The following GNB5 variants were observed in gnomAD, a reference collection of about 807,000 sequenced individuals.
The protein encoded by GNB5 is guanine nucleotide-binding protein subunit beta-5.
A neutral mutation model predicts 55.3 loss-of-function variants in GNB5; 37 were observed. The ratio of observed to expected loss-of-function variants is 0.67; its 90% CI spans 0.51 to 0.88. GNB5 has a LOEUF of 0.88. Ranked by LOEUF, GNB5 falls within the 40% of genes least tolerant of loss-of-function variation. The probability of loss-of-function intolerance (pLI) is 0.00; values close to 1 mark genes in which losing one functional copy is unlikely to be tolerated. For missense variants in GNB5, 476 were observed against 515.3 expected (o/e 0.92, Z 0.74); for synonymous variants, 219 against 198.5 (o/e 1.10, Z -0.87).
chr15:52,148,476 T>G (rs1453305913), intron 5 of GNB5, among the ~76,000 whole-genome samples: 1 of 152,142 alleles, frequency 6.6e-6, no homozygotes, highest in African/African-American at 2.4e-5. Context: ...CTGGCCTGTG[T>G]GCGGTTGCAC....
Position 52,157,135 on chromosome 15 carries a change from C to G in GNB5, c.239-3059G>C, listed in dbSNP as rs543921977. The stretch of plus-strand genomic sequence containing the variant: ...TATTTTTAGTAGAGATGGGGTTTCA[C>G]CAAGTTAGACCAGGATGGTCTCAAT... On this transcript the variant is annotated intron_variant, in intron 3 of 12. Coordinates refer to ENST00000261837, the MANE Select transcript of GNB5 (RefSeq NM_016194.4). Among the ~76,000 whole-genome samples, 6 of 152,076 alleles carry G rather than the reference C, an allele frequency of 3.9e-5. No homozygotes were observed. The East Asian group carries it at 1.2e-3, about 30-fold the overall frequency.
rs182794883 is a variant in GNB5 at position 52,120,169 on chromosome 15, C to G, written c.*2588G>C. The G allele has an allele frequency of 1.3e-5, 2 of 152,244 alleles. No individual in the cohort carries two copies. Among genetic ancestry groups the G allele is most frequent in the Non-Finnish European group, 2.9e-5 (2 of 68,046 alleles). 9.4% of individuals were successfully genotyped at this position (152,244 alleles called of 1,614,324 possible). On this transcript the variant is annotated 3_prime_UTR_variant, in exon 13 of 13. Coordinates refer to ENST00000261837, the MANE Select transcript of GNB5 (RefSeq NM_016194.4). ...AGGCTCTACACCCCTGGGGGCCCAT[C>G]TGTTTGGCCCCTTCACCACAATTGG...
At chr15:52,141,064 G>A (rs1243511818) in intron 7 of GNB5, 76 bp downstream of exon 7, 11 of 1,352,024 alleles carry the variant, frequency 8.1e-6, no homozygotes, top group East Asian at 6.9e-5. Flanking sequence ...GAGAGACGCC[G>A]AAAGCTTCCT....
chr15:52,163,452 G>A lies in GNB5; in HGVS notation c.239-9376C>T, dbSNP rs190521359. On this transcript the variant is annotated intron_variant, in intron 3 of 12. Transcript: ENST00000261837. Reference sequence around the variant, plus strand: ...TGTCTTGTAATTCCAGCCAGCCAGTGGTAGACGTTGGAGACGGCCTGAGAC... The same window carrying A: ...TGTCTTGTAATTCCAGCCAGCCAGTAGTAGACGTTGGAGACGGCCTGAGAC... 1.4e-4 allele frequency among the ~76,000 whole-genome samples: 22 copies of A among 152,314 alleles called. No individual in the cohort carries two copies. The East Asian group carries it at 4.0e-3, about 28-fold the overall frequency.
At chr15:52,187,382 G>T (rs542275331) in intron 1 of GNB5, among the ~76,000 whole-genome samples, 4 of 151,938 alleles carry the variant, frequency 2.6e-5, no homozygotes, top group African/African-American at 9.7e-5. Context: ...GAGAAGGGAC[G>T]GCAGGAAAAC....
At chr15:52,150,779 C>T (rs17612706) in intron 4 of GNB5, among the ~76,000 whole-genome samples, 2,414 of 152,352 alleles carry the variant, frequency 0.016, 27 homozygotes, top group Non-Finnish European at 0.028. Context: ...GCCCTGGTCC[C>T]TGCAAAGCAG....
At chr15:52,183,753 G>A (rs963299395) in intron 2 of GNB5, among the ~76,000 whole-genome samples, 3 of 152,136 alleles carry the variant, frequency 2.0e-5, no homozygotes, top group Admixed American at 1.3e-4. Flanking sequence ...TTCACCAAGT[G>A]GGGGCTCTGC....
rs527321236 is a variant in GNB5 at position 52,153,978 on chromosome 15, A to G, written c.337T>C (p.Trp113Arg). ...GHGNKVLCMD[W>R]CKDKRRIVSS... Reference sequence around the variant, plus strand: ...ACGATCCTCCTCTTATCTTTGCACCAGTCCATGCACAGGACTTTGTTCCCG... The same window carrying G: ...ACGATCCTCCTCTTATCTTTGCACCGGTCCATGCACAGGACTTTGTTCCCG... The change falls in exon 4 of 13, where the codon TGG becomes CGG. Residue 113 changes from tryptophan (W) to arginine (R), a missense_variant. Trp to Arg is a moderately radical substitution (Grantham distance 101). Coordinates refer to ENST00000261837, the MANE Select transcript of GNB5 (RefSeq NM_016194.4). 1.2e-6 allele frequency: 2 copies of G among 1,614,042 alleles called. No individual in the cohort carries two copies. The highest frequency in any genetic ancestry group is 3.3e-5 in the Admixed American group (2 of 60,020).
In GNB5 at chr15:52,177,255, A is replaced by C. The variant is rs564298180; in HGVS notation, c.238+2513T>G. Reference sequence around the variant, plus strand: ...TCACCATGTTGGCCAGGATGGTCTCAATCTCCTGACCTCATGATCCACCCG... The same window carrying C: ...TCACCATGTTGGCCAGGATGGTCTCCATCTCCTGACCTCATGATCCACCCG... On this transcript the variant is annotated intron_variant, in intron 3 of 12. Coordinates refer to ENST00000261837, the MANE Select transcript of GNB5 (RefSeq NM_016194.4). Among the ~76,000 whole-genome samples, 574 of 151,186 alleles carry C rather than the reference A, an allele frequency of 3.8e-3. 3 individuals carry two copies. Among genetic ancestry groups the C allele is most frequent in the Non-Finnish European group, 4.7e-3 (319 of 67,674 alleles).
At chr15:52,150,002 G>A in intron 4 of GNB5, 77 bp from the exon 5 acceptor site, 1 of 1,072,418 alleles carries the variant, frequency 9.3e-7, no homozygotes, top group East Asian at 2.4e-5. Context: ...CATAAAAGCT[G>A]TGTCCAGCAG....
At chr15:52,149,255 CTAAA>C (rs2034041272) in intron 5 of GNB5, 1 of 152,804 alleles carries the variant, frequency 6.5e-6, no homozygotes, top group Non-Finnish European at 1.5e-5. Flanking sequence ...GGAAGGCTTT[CTAAA>C]TAAATATAGG....
intron 3 of GNB5, among the ~76,000 whole-genome samples, chr15:52,172,847 T>C (rs2034579210): frequency 6.6e-6 from 1 of 152,178 alleles, no homozygotes; most frequent in South Asian, 2.1e-4. Context: ...ACAAGTTCCT[T>C]GCGTATCCTT....
rs971861636 is a variant in GNB5, at chr15:52,121,893, T to C, written c.*864A>G. ...AAGCGTGAGCCACCGCGCCCGGCCA[T>C]GAATATAATTTATATGGACAAGATT... On this transcript the variant is annotated 3_prime_UTR_variant, in exon 13 of 13. Coordinates refer to ENST00000261837, the MANE Select transcript of GNB5 (RefSeq NM_016194.4). 9 of 152,314 alleles carry C rather than the reference T, an allele frequency of 5.9e-5. No homozygotes were observed. Among genetic ancestry groups the C allele is most frequent in the Admixed American group, 1.3e-4 (2 of 15,298 alleles). The allele number at this position is 152,314 out of a possible 1,614,324, so 9.4% of individuals were successfully genotyped here.
At chr15:52,178,263 T>A (rs2034691529) in intron 3 of GNB5, among the ~76,000 whole-genome samples, 1 of 152,194 alleles carries the variant, frequency 6.6e-6, no homozygotes, top group East Asian at 1.9e-4. Context: ...CTCAGTTTCC[T>A]CATCTGTCAA....
Position 52,133,499 on chromosome 15 carries a change from C to G in GNB5, c.772-30G>C, listed in dbSNP as rs745774993. The G allele has an allele frequency of 2.9e-6, 4 of 1,384,678 alleles. No individual in the cohort carries two copies. In the Admixed American group the frequency reaches 6.7e-5, roughly 23 times the overall value. The allele number at this position is 1,384,678 out of a possible 1,614,324, so 85.8% of individuals were successfully genotyped here. ...AAATGAAAATTAGCCAGAGTTATGG[C>G]CACTTTAAGGAATGTCTATAGACAA... is the stretch of plus-strand genomic sequence containing the variant. On this transcript the variant is annotated intron_variant, in intron 8 of 12. Coordinates refer to ENST00000261837, the MANE Select transcript of GNB5 (RefSeq NM_016194.4).
chr15:52,179,802 C>A lies in GNB5; in HGVS notation c.204G>T (p.Leu68=). ...CGTGCAGCTTGGCTCGCTCCTCCTCCAGCTTGCCCTTGAGGCTCTCGGCCT... is the reference window on the plus strand; with the variant it reads ...CGTGCAGCTTGGCTCGCTCCTCCTCAAGCTTGCCCTTGAGGCTCTCGGCCT... ...KSEAESLKGK[L]EEERAKLHDV... Residue 68 remains leucine, a synonymous_variant, in exon 3 of 13, where the codon CTG becomes CTT. Transcript: ENST00000261837. 6.5e-7 allele frequency: 1 copy of A among 1,549,588 alleles called. No homozygotes were observed. The highest frequency in any genetic ancestry group is 1.4e-5 in the African/African-American group (1 of 70,344).
intron 3 of GNB5, among the ~76,000 whole-genome samples, chr15:52,177,517 G>A (rs1206458175): frequency 2.0e-5 from 3 of 151,758 alleles, no homozygotes; most frequent in Non-Finnish European, 4.4e-5. Flanking sequence ...TGGGTGTGGT[G>A]GCACATGCCT....
chr15:52,126,567 T>A (rs1426218606), intron 10 of GNB5, among the ~76,000 whole-genome samples: 3 of 152,178 alleles, frequency 2.0e-5, no homozygotes, highest in Non-Finnish European at 4.4e-5. Context: ...AAAAACATTA[T>A]GTACATAGTT....
rs571649907 is a variant in GNB5 at position 52,181,567 on chromosome 15, G to A, written c.127-1688C>T. On this transcript the variant is annotated intron_variant, in intron 2 of 12. Coordinates refer to ENST00000261837, the MANE Select transcript of GNB5 (RefSeq NM_016194.4). ...GGAATCAGAGGTTGCAGTGAGCCGA[G>A]ATCGTGCCACTGCACTCCAGCCTGG... is the stretch of plus-strand genomic sequence containing the variant. 5.9e-5 allele frequency among the ~76,000 whole-genome samples: 9 copies of A among 152,146 alleles called. No homozygotes were observed. In the South Asian group the frequency reaches 1.0e-3, roughly 18 times the overall value.
Sources: allele counts gnomAD v4.1 joint callset (sites outside exome capture counted in the v4.1 genomes callset), GRCh38; gene constraint gnomAD v4.1.1; transcripts MANE v1.5; gene names NCBI Gene and HGNC (gene_info 2026-07-23, HGNC 2026-07-21).